The following CDK5RAP2 variants were observed in gnomAD, a reference collection of about 807,000 sequenced individuals.
The protein encoded by CDK5RAP2 is CDK5 regulatory subunit associated protein 2.
A neutral mutation model predicts 232.9 loss-of-function variants in CDK5RAP2; 147 were observed. The ratio of observed to expected loss-of-function variants is 0.63; its 90% CI spans 0.55 to 0.72. The LOEUF (loss-of-function observed/expected upper bound fraction) is 0.72, where lower values mean the gene tolerates loss of function less well. Ranked by LOEUF, CDK5RAP2 falls within the 30% of genes least tolerant of loss-of-function variation. The pLI is 0.00. For missense variants in CDK5RAP2, 2,195 were observed against 2,231.5 expected, an observed-to-expected ratio of 0.98 and a Z score of 0.33; for synonymous variants, 833 against 833.7, an observed-to-expected ratio of 1.00 and a Z score of 0.01.
In CDK5RAP2 at chr9:120,441,606, T is replaced by A. The variant is rs1261999787; in HGVS notation, c.3149-1634A>T. Among the ~76,000 whole-genome samples the A allele has an allele frequency of 2.0e-5, 3 of 152,146 alleles. No individual in the cohort carries two copies. In the East Asian group the frequency reaches 5.8e-4, roughly 29 times the overall value. On this transcript the variant is annotated intron_variant, in intron 23 of 37. Coordinates refer to ENST00000349780, the MANE Select transcript of CDK5RAP2 (RefSeq NM_018249.6). Reference sequence around the variant, plus strand: ...GGGTTGGACTGGGTGACCTAGGAGATCTCTCAGAAAGAAATTCACACACAA... The same window carrying A: ...GGGTTGGACTGGGTGACCTAGGAGAACTCTCAGAAAGAAATTCACACACAA...
chr9:120,477,486 G>A, intron 14 of CDK5RAP2, 36 bp from the exon 15 acceptor site: 1 of 1,468,604 alleles, frequency 6.8e-7, no homozygotes, highest in South Asian at 1.1e-5. Flanking sequence ...ATTAAGGAAA[G>A]AATTTTGAAA....
At chr9:120,503,319 A>G (rs1478164469) in intron 12 of CDK5RAP2, among the ~76,000 whole-genome samples, 2 of 152,336 alleles carry the variant, frequency 1.3e-5, no homozygotes, top group African/African-American at 4.8e-5. Flanking sequence ...GCAGTCAAAG[A>G]AAGTTTAAAG....
intron 16 of CDK5RAP2, 130 bp from the exon 17 acceptor site, chr9:120,470,350 G>A: frequency 1.7e-6 from 1 of 604,296 alleles, no homozygotes; most frequent in Non-Finnish European, 3.0e-6. Context: ...GGGCGGAAGG[G>A]AGCATAGTAC....
chr9:120,525,114 A>G, intron 10 of CDK5RAP2, 36 bp from the exon 11 acceptor site: 1 of 1,498,894 alleles, frequency 6.7e-7, no homozygotes, highest in Middle Eastern at 1.7e-4. Context: ...CAAGTATGTA[A>G]CTGGGCTCTC....
At chr9:120,423,588 G>A (rs908619477) in intron 25 of CDK5RAP2, among the ~76,000 whole-genome samples, 2 of 152,180 alleles carry the variant, frequency 1.3e-5, no homozygotes, top group Non-Finnish European at 2.9e-5. Context: ...TTGAAAGGAA[G>A]CACATGAGCC....
In CDK5RAP2 at chr9:120,506,195, T is replaced by A. The variant is rs548204269; in HGVS notation, c.1311+12232A>T. 1.4e-4 allele frequency among the ~76,000 whole-genome samples: 21 copies of A among 152,298 alleles called. No homozygotes were observed. In the East Asian group the frequency reaches 4.1e-3, roughly 29 times the overall value. On this transcript the variant is annotated intron_variant, in intron 12 of 37. Coordinates refer to ENST00000349780, the MANE Select transcript of CDK5RAP2 (RefSeq NM_018249.6). ...TGATTCCAGAACTCCTTAAAAATTA[T>A]GCAAAATCTACTCTATCTGTGCTCT...
At position 120,403,165 on chromosome 9, in the gene CDK5RAP2, G is replaced by A; in HGVS notation, c.5042-94C>T. ...TTGAAGCTAGCTAGGAGGGCTAGAA[G>A]AGGCCCTCGTGCCCAAATGCCACCC... is the stretch of plus-strand genomic sequence containing the variant. On this transcript the variant is annotated intron_variant, in intron 33 of 37. Transcript: ENST00000349780. This position sits in a 1 kb window ranked among gnomAD's most constrained non-coding sequence, Gnocchi z 4.2. 1 of 1,365,006 alleles carries A rather than the reference G, an allele frequency of 7.3e-7. No individual in the cohort carries two copies. Among genetic ancestry groups the A allele is most frequent in the Non-Finnish European group, 1.0e-6 (1 of 965,128 alleles). The allele number at this position is 1,365,006 out of a possible 1,614,324, so 84.6% of individuals were successfully genotyped here. A position where few individuals can be genotyped will look rare whatever the true frequency, so the allele number is the denominator to read the frequency against.
In CDK5RAP2 at chr9:120,449,870, G is replaced by A. The variant is rs111637957; in HGVS notation, c.2794-1744C>T. Among the ~76,000 whole-genome samples, 298 of 152,282 alleles carry A rather than the reference G, an allele frequency of 2.0e-3. 2 individuals carry two copies. Among genetic ancestry groups the A allele is most frequent in the African/African-American group, 6.3e-3 (263 of 41,556 alleles). ...GGCTATAATCAAAGGACAACAACAA[G>A]TGTTGATGAAGCGGAGAAATTGGAA... On this transcript the variant is annotated intron_variant, in intron 21 of 37. Coordinates refer to ENST00000349780, the MANE Select transcript of CDK5RAP2 (RefSeq NM_018249.6).
At chr9:120,495,064 G>A (rs2039114104) in intron 12 of CDK5RAP2, among the ~76,000 whole-genome samples, 2 of 89,148 alleles carry the variant, frequency 2.2e-5, no homozygotes, top group South Asian at 7.8e-4. Flanking sequence ...GGGAGGCAGC[G>A]GCTGGAGGAG....
intron 5 of CDK5RAP2, among the ~76,000 whole-genome samples, chr9:120,543,686 C>T (rs1271573534): frequency 6.6e-6 from 1 of 152,028 alleles, no homozygotes; most frequent in African/African-American, 2.4e-5. Context: ...TGGTGAAACC[C>T]CATCTCTACA....
In CDK5RAP2 at chr9:120,422,674, AC is replaced by A. The variant is rs2034636996; in HGVS notation, c.4004+18del. On this transcript the variant is annotated intron_variant, in intron 26 of 37. Transcript: ENST00000349780. The stretch of plus-strand genomic sequence containing the variant: ...TAGAAAGTCCTGGGAAGTCTTCTTA[AC>A]AAATGTTACACACTCACCTCTCCAT... 1.2e-6 allele frequency: 2 copies of A among 1,601,984 alleles called. No individual in the cohort carries two copies. Among genetic ancestry groups the A allele is most frequent in the Non-Finnish European group, 1.7e-6 (2 of 1,168,932 alleles).
Position 120,529,968 on chromosome 9 carries a change from G to A in CDK5RAP2, c.825+10C>T, listed in dbSNP as rs768950516. 6.2e-7 allele frequency: 1 copy of A among 1,613,498 alleles called. No individual in the cohort carries two copies. Among genetic ancestry groups the A allele is most frequent in the Non-Finnish European group, 8.5e-7 (1 of 1,179,704 alleles). On this transcript the variant is annotated intron_variant, in intron 8 of 37. Transcript: ENST00000349780. ...AATTAAAGCCCCCTCTTCATGTCCT[G>A]TCACCTCACCTCAGTTTCTCTCTCC...
intron 11 of CDK5RAP2, among the ~76,000 whole-genome samples, chr9:120,523,475 C>G (rs1696252627): frequency 6.6e-6 from 1 of 152,162 alleles, no homozygotes; most frequent in East Asian, 1.9e-4. Flanking sequence ...TTTCATCAAC[C>G]ACTGTCAAAA....
chr9:120,518,429 G>A lies in CDK5RAP2; in HGVS notation c.1309C>T (p.Arg437Cys), dbSNP rs545773596. ...REKSKGDCTIRDLRNEVEKLR... is the reference protein window; with the variant it reads ...REKSKGDCTICDLRNEVEKLR... ...CAGAAGGGCAGGGCGGTACTCACAC[G>A]GATGGTGCAGTCTCCTTTGCTCTTC... Residue 437 changes from arginine (R) to cysteine (C), a missense_variant and splice_region_variant, in exon 12 of 38, where the codon CGT (arginine) becomes TGT (cysteine). Coordinates refer to ENST00000349780, the MANE Select transcript of CDK5RAP2 (RefSeq NM_018249.6). 39 of 1,612,924 alleles carry A rather than the reference G, an allele frequency of 2.4e-5. No individual in the cohort carries two copies. In the South Asian group the frequency reaches 2.7e-4, roughly 11 times the overall value.
At chr9:120,443,783 G>A (rs375330619) in intron 22 of CDK5RAP2, 41 bp from the exon 23 acceptor site, 27 of 1,612,102 alleles carry the variant, frequency 1.7e-5, no homozygotes, top group East Asian at 1.3e-4. Context: ...AAATAAAACC[G>A]TAAGACCTGA....
In CDK5RAP2 at chr9:120,453,627, C is replaced by T. The variant is rs1289127009; in HGVS notation, c.2622G>A (p.Gln874=). The part of the protein sequence containing the change: ...PKVGLKDASV[Q]TVATEGDLLR... ...GCAGGTCGCCCTCCGTGGCCACAGT[C>T]TGCACTGAGGCATCTTTCAGTCCTA... Residue 874 remains glutamine (Q), a synonymous_variant, in exon 21 of 38, where the codon CAG becomes CAA. Transcript: ENST00000349780. The T allele has an allele frequency of 6.2e-7, 1 of 1,614,198 alleles. No homozygotes were observed. The highest frequency in any genetic ancestry group is 8.5e-7 in the Non-Finnish European group (1 of 1,180,030).
At chr9:120,453,375 A>C in intron 21 of CDK5RAP2, 81 bp downstream of exon 21, 2 of 1,316,358 alleles carry the variant, frequency 1.5e-6, no homozygotes, top group South Asian at 1.3e-5. Context: ...AAATGGGAAA[A>C]AAGTGGTGAG....
intron 20 of CDK5RAP2, among the ~76,000 whole-genome samples, chr9:120,458,206 C>T (rs541109077): frequency 6.6e-6 from 1 of 152,266 alleles, no homozygotes; most frequent in East Asian, 1.9e-4. Context: ...AGGAATAATT[C>T]CCAAAGAAAG....
chr9:120,543,781 C>A (rs919445848), intron 5 of CDK5RAP2, among the ~76,000 whole-genome samples: 6 of 152,144 alleles, frequency 3.9e-5, no homozygotes, highest in African/African-American at 1.2e-4. Context: ...TCGCCTGGAC[C>A]CAGGAGGCGG....
Sources: gnomAD v4.1 joint callset for allele counts (sites outside exome capture counted in the v4.1 genomes callset) on GRCh38, gnomAD v4.1.1 for gene constraint, Gnocchi (gnomAD v3.1) non-coding constraint, MANE v1.5 for transcripts, NCBI Gene and HGNC (gene_info 2026-07-23, HGNC 2026-07-21) for gene names.